Variants in EBF3 observed in about 807,000 individuals in gnomAD.
EBF3 encodes the protein EBF transcription factor 3.
A neutral mutation model predicts 77.1 loss-of-function variants in EBF3; 18 were observed. The observed-to-expected ratio is 0.23, with a 90% CI of 0.16 to 0.35. The LOEUF is 0.35. Ranked by LOEUF, EBF3 falls within the 10% of genes least tolerant of loss-of-function variation. EBF3 has a pLI of 1.00. For synonymous variants in EBF3, 350 were observed against 343.5 expected (o/e 1.02, Z -0.21); for missense variants, 558 against 860.0 (o/e 0.65, Z 4.39).
chr10:129,904,048 G>A (rs923780296), intron 6 of EBF3, among the ~76,000 whole-genome samples: 2 of 152,152 alleles, frequency 1.3e-5, no homozygotes, highest in Non-Finnish European at 2.9e-5. Flanking sequence ...TCCTTCAGCT[G>A]GTTCAGGATA....
chr10:129,935,333 T>C lies in EBF3; in HGVS notation c.554+21925A>G, dbSNP rs72837182. On this transcript the variant is annotated intron_variant, in intron 6 of 16. Coordinates refer to ENST00000440978, the MANE Select transcript of EBF3 (RefSeq NM_001375380.1). This position sits in a 1 kb window ranked among gnomAD's most constrained non-coding sequence, Gnocchi z 4.2. ...AGTGACTGGCGGCCTGGGACCAGGGTGGCCCTGCCTTCCCAGCTCTCCGGT... is the reference window on the plus strand; with the variant it reads ...AGTGACTGGCGGCCTGGGACCAGGGCGGCCCTGCCTTCCCAGCTCTCCGGT... 0.096 allele frequency among the ~76,000 whole-genome samples: 14,621 copies of C among 152,060 alleles called. 1,440 individuals carry two copies. The highest frequency in any genetic ancestry group is 0.26 in the African/African-American group (10,639 of 41,446).
At chr10:129,855,026 G>C (rs371862316) in intron 10 of EBF3, among the ~76,000 whole-genome samples, 1 of 152,152 alleles carries the variant, frequency 6.6e-6, no homozygotes, top group South Asian at 2.1e-4. Context: ...GCTCCCGTCC[G>C]TGGAGCTCCC....
chr10:129,838,707 T>C (rs1849786742), intron 16 of EBF3, among the ~76,000 whole-genome samples: 1 of 152,270 alleles, frequency 6.6e-6, no homozygotes, highest in African/African-American at 2.4e-5. Context: ...TTACCGCTGG[T>C]GTTGTTTAAT....
chr10:129,887,818 G>A (rs1443316066), intron 6 of EBF3, among the ~76,000 whole-genome samples: 5 of 151,984 alleles, frequency 3.3e-5, no homozygotes, highest in South Asian at 2.1e-4. Flanking sequence ...GAGGCGCCGC[G>A]GCCCTGATCT....
Position 129,837,914 on chromosome 10 carries a change from G to A in EBF3, c.*29C>T, listed in dbSNP as rs1849709215. The A allele has an allele frequency of 1.2e-6, 2 of 1,613,482 alleles. No individual in the cohort carries two copies. The highest frequency in any genetic ancestry group is 8.5e-7 in the Non-Finnish European group (1 of 1,180,006). ...CCTTTGATGCTGGGTGCTGCGGAAG[G>A]TAAACAGAAGTCCCTCACATTGGCG... On this transcript the variant is annotated 3_prime_UTR_variant, in exon 17 of 17. Transcript: ENST00000440978.
chr10:129,946,891 GAT>G (rs1564916338), intron 6 of EBF3, among the ~76,000 whole-genome samples: 2 of 152,224 alleles, frequency 1.3e-5, no homozygotes, highest in Non-Finnish European at 2.9e-5. Flanking sequence ...TTTAATAAAT[GAT>G]AGTGATCGCT....
At chr10:129,846,219 G>C (rs1251440180) in intron 11 of EBF3, among the ~76,000 whole-genome samples, 1 of 151,268 alleles carries the variant, frequency 6.6e-6, no homozygotes, top group Non-Finnish European at 1.5e-5. Flanking sequence ...AAAATTAGGA[G>C]GTAAACTTCA....
chr10:129,957,331 G>A lies in EBF3; in HGVS notation c.486-5C>T, dbSNP rs200996647. On this transcript the variant is annotated splice_region_variant and splice_polypyrimidine_tract_variant and intron_variant, in intron 5 of 16. Coordinates refer to ENST00000440978, the MANE Select transcript of EBF3 (RefSeq NM_001375380.1). Reference sequence around the variant, plus strand: ...CTTTTCTTGTCACAGCACCGGCTGTGGAGCAATTGTAAACAGTGGTTTTAA... The same window carrying A: ...CTTTTCTTGTCACAGCACCGGCTGTAGAGCAATTGTAAACAGTGGTTTTAA... 201 of 1,607,166 alleles carry A rather than the reference G, an allele frequency of 1.3e-4. No individual in the cohort carries two copies. The highest frequency in any genetic ancestry group is 1.6e-4 in the Non-Finnish European group (188 of 1,175,632).
intron 6 of EBF3, among the ~76,000 whole-genome samples, chr10:129,930,053 T>C (rs1856902836): frequency 6.6e-6 from 1 of 152,172 alleles, no homozygotes; most frequent in Admixed American, 6.5e-5. Flanking sequence ...CTGCCGGAGC[T>C]GGGACTCTTC....
chr10:129,902,164 C>G (rs748931015), intron 6 of EBF3, among the ~76,000 whole-genome samples: 20 of 152,046 alleles, frequency 1.3e-4, no homozygotes, highest in South Asian at 4.1e-4. Context: ...AGTTCCCCAC[C>G]ACAACGCAGC....
At chr10:129,932,661 AT>A (rs141758528) in intron 6 of EBF3, among the ~76,000 whole-genome samples, 20,035 of 152,014 alleles carry the variant, frequency 0.13, 1,500 homozygotes, top group South Asian at 0.22. Flanking sequence ...TTGCCACGCA[AT>A]TTTTTTTCCT....
Position 129,837,592 on chromosome 10 carries a change from C to CCAA in EBF3, c.*348_*350dup. 1 of 267,424 alleles carries CCAA rather than the reference C, an allele frequency of 3.7e-6. No homozygotes were observed. The highest frequency in any genetic ancestry group is 7.1e-6 in the Non-Finnish European group (1 of 140,960). 16.6% of individuals were successfully genotyped at this position (267,424 alleles called of 1,614,324 possible). A position where few individuals can be genotyped will look rare whatever the true frequency, so the allele number is the denominator to read the frequency against. On this transcript the variant is annotated 3_prime_UTR_variant, in exon 17 of 17. Coordinates refer to ENST00000440978, the MANE Select transcript of EBF3 (RefSeq NM_001375380.1). ...AAATGGTGCATTCACAAAGTTTCTC[C>CCAA]CAACACATAGCAATTACTAGACATG...
chr10:129,902,393 G>A (rs746407879), intron 6 of EBF3, among the ~76,000 whole-genome samples: 11 of 152,032 alleles, frequency 7.2e-5, no homozygotes, highest in Admixed American at 1.3e-4. Flanking sequence ...GTGACCTGGG[G>A]TGCTGGGTGC....
intron 4 of EBF3, among the ~76,000 whole-genome samples, chr10:129,960,998 C>G (rs11017030): frequency 3.3e-5 from 5 of 152,196 alleles, no homozygotes. Flanking sequence ...CTGTTTTACT[C>G]TAAGAGAAAA....
In EBF3 at chr10:129,876,437, C is replaced by T. The variant is rs115396691; in HGVS notation, c.636+1331G>A. 2.3e-3 allele frequency among the ~76,000 whole-genome samples: 344 copies of T among 152,340 alleles called. 1 individual carries two copies. The highest frequency in any genetic ancestry group is 7.8e-3 in the African/African-American group (326 of 41,586). On this transcript the variant is annotated intron_variant, in intron 7 of 16. Transcript: ENST00000440978. ...CACCAGTATCCTGTGAAGCCTAGTG[C>T]GTGACAAATGGAAGCAGACCCAACT...
chr10:129,851,934 C>T (rs1331768560), intron 10 of EBF3, among the ~76,000 whole-genome samples: 2 of 152,186 alleles, frequency 1.3e-5, no homozygotes, highest in Non-Finnish European at 2.9e-5. Context: ...TAGGCTACCG[C>T]GGCCTAATGC....
At chr10:129,871,721 G>A (rs1181799736) in intron 8 of EBF3, among the ~76,000 whole-genome samples, 1 of 152,078 alleles carries the variant, frequency 6.6e-6, no homozygotes, top group Non-Finnish European at 1.5e-5. Context: ...TGATAACTGG[G>A]TATTAATTAC....
chr10:129,873,218 T>G (rs1483794538), intron 8 of EBF3, among the ~76,000 whole-genome samples: 1 of 152,162 alleles, frequency 6.6e-6, no homozygotes, highest in Non-Finnish European at 1.5e-5. Context: ...CCTGGAAACA[T>G]GAAGGCCGTG....
intron 6 of EBF3, among the ~76,000 whole-genome samples, chr10:129,942,038 C>T (rs1370705534): frequency 6.6e-6 from 1 of 152,316 alleles, no homozygotes; most frequent in East Asian, 1.9e-4. Flanking sequence ...CTGTTGACCC[C>T]TGTGTCCCCG....
Sources: gnomAD v4.1 joint callset for allele counts (sites outside exome capture counted in the v4.1 genomes callset) on GRCh38, gnomAD v4.1.1 for gene constraint, Gnocchi (gnomAD v3.1) non-coding constraint, MANE v1.5 for transcripts, NCBI Gene and HGNC (gene_info 2026-07-23, HGNC 2026-07-21) for gene names.